The following RBFOX1 variants were observed in gnomAD, a reference collection of about 807,000 sequenced individuals.
The protein encoded by RBFOX1 is RNA binding protein fox-1 homolog 1.
A neutral mutation model predicts 57.7 loss-of-function variants in RBFOX1; 8 were observed. That is an observed-to-expected ratio of 0.14 (90% CI 0.08 to 0.25). RBFOX1 has a LOEUF of 0.25. RBFOX1 is among the 10% of genes least tolerant of loss of function. The pLI, the probability that RBFOX1 is intolerant of heterozygous loss-of-function variation, is 1.00. For missense variants in RBFOX1, 611 were observed against 548.5 expected, an observed-to-expected ratio of 1.11 and a Z score of -1.14; for synonymous variants, 326 against 222.4, an observed-to-expected ratio of 1.47 and a Z score of -4.15.
chr16:7,125,929 A>G (rs2068410205), intron 4 of RBFOX1, among the ~76,000 whole-genome samples: 1 of 152,120 alleles, frequency 6.6e-6, no homozygotes, highest in Non-Finnish European at 1.5e-5. Context: ...CTAAAAATAC[A>G]AAAATTACCT....
At chr16:6,061,017 C>A (rs1461471389) in intron 1 of RBFOX1, among the ~76,000 whole-genome samples, 2 of 152,178 alleles carry the variant, frequency 1.3e-5, no homozygotes, top group East Asian at 3.9e-4. Context: ...AGGACAGAAC[C>A]TGGTTGGTCC....
chr16:5,608,597 C>T (rs1055483788), intron 3 of RBFOX1, among the ~76,000 whole-genome samples: 1 of 152,160 alleles, frequency 6.6e-6, no homozygotes, highest in Non-Finnish European at 1.5e-5. Context: ...ATAGGTAAAG[C>T]CTTAGGAGAG....
chr16:7,404,022 C>CATTTCCTTTT, intron 4 of RBFOX1, among the ~76,000 whole-genome samples: 1 of 67,658 alleles, frequency 1.5e-5, no homozygotes, highest in African/African-American at 4.6e-5. Context: ...ATCCTGATTT[C>CATTTCCTTTT]ATTTCCTTTT....
chr16:7,582,779 A>G (rs2152858899), intron 6 of RBFOX1, among the ~76,000 whole-genome samples: 1 of 152,294 alleles, frequency 6.6e-6, no homozygotes, highest in East Asian at 1.9e-4. Context: ...AGTGAGGACA[A>G]TTACAGAGAA....
intron 4 of RBFOX1, among the ~76,000 whole-genome samples, chr16:5,916,660 C>G (rs1324539274): frequency 6.6e-6 from 1 of 152,096 alleles, no homozygotes; most frequent in Non-Finnish European, 1.5e-5. Context: ...ACATAATTCT[C>G]ATTTTTCCTT....
At chr16:5,563,148 C>T (rs1014652268) in intron 2 of RBFOX1, among the ~76,000 whole-genome samples, 5 of 152,160 alleles carry the variant, frequency 3.3e-5, no homozygotes, top group African/African-American at 4.8e-5. Context: ...GGGGTTTCAC[C>T]ATGTTGGTCA....
At chr16:7,449,510 C>T (rs898371144) in intron 4 of RBFOX1, among the ~76,000 whole-genome samples, 1 of 152,122 alleles carries the variant, frequency 6.6e-6, no homozygotes, top group Non-Finnish European at 1.5e-5. Flanking sequence ...AGCTCTGAGT[C>T]ATGATCTATC....
intron 1 of RBFOX1, chr16:6,092,621 C>G (rs575826246): frequency 1.1e-4 from 16 of 152,284 alleles, no homozygotes; most frequent in African/African-American, 3.6e-4. Flanking sequence ...AGTCAGTTAT[C>G]CCAGTACCAT....
chr16:5,309,126 C>T (rs569634724), intron 1 of RBFOX1, among the ~76,000 whole-genome samples: 134 of 152,316 alleles, frequency 8.8e-4, no homozygotes, highest in African/African-American at 3.2e-3. Context: ...CCCTCTCTTT[C>T]TAATAATTCT....
At chr16:7,156,336 T>G (rs557607933) in intron 4 of RBFOX1, among the ~76,000 whole-genome samples, 1 of 152,200 alleles carries the variant, frequency 6.6e-6, no homozygotes, top group Admixed American at 6.5e-5. Flanking sequence ...AGCATATGTA[T>G]ATACATATCT....
intron 1 of RBFOX1, among the ~76,000 whole-genome samples, chr16:5,391,065 T>G (rs1420878259): frequency 1.3e-5 from 2 of 152,190 alleles, no homozygotes; most frequent in Admixed American, 1.3e-4. Context: ...CTCTGAAACT[T>G]CACTCCATCT....
chr16:5,951,356 G>A (rs1164677243), intron 4 of RBFOX1, among the ~76,000 whole-genome samples: 1 of 152,098 alleles, frequency 6.6e-6, no homozygotes, highest in Non-Finnish European at 1.5e-5. Context: ...GCTAAGGCAG[G>A]AGAATTGCTT....
intron 4 of RBFOX1, among the ~76,000 whole-genome samples, chr16:7,364,227 C>T (rs1020910992): frequency 2.6e-5 from 4 of 152,158 alleles, no homozygotes; most frequent in Non-Finnish European, 5.9e-5. Context: ...GCCGGGCTAG[C>T]GGCTTTCCCA....
At position 6,616,381 on chromosome 16, in the gene RBFOX1, G is replaced by GT. The variant is rs34635131; in HGVS notation, c.-63-38209dup. Among the ~76,000 whole-genome samples the GT allele has an allele frequency of 4.1e-3, 582 of 142,416 alleles. 2 individuals are homozygous for GT. Among genetic ancestry groups the GT allele is most frequent in the Middle Eastern group, 7.4e-3 (2 of 272 alleles). 93.4% of individuals were successfully genotyped at this position (142,416 alleles called of 152,430 possible). A position where few individuals can be genotyped will look rare whatever the true frequency, so the allele number is the denominator to read the frequency against. The stretch of plus-strand genomic sequence containing the variant: ...GACTCAAATACAGTAAAAATGTTTG[G>GT]TTTTTTTTTTTTTGGCCAGGCGTGA... On this transcript the variant is annotated intron_variant, in intron 2 of 15. Transcript: ENST00000550418.
chr16:6,348,981 A>G (rs777225984), intron 2 of RBFOX1, among the ~76,000 whole-genome samples: 20 of 152,220 alleles, frequency 1.3e-4, no homozygotes, highest in Non-Finnish European at 2.5e-4. Flanking sequence ...AAGCGCTTCA[A>G]AAGAAATTCT....
intron 14 of RBFOX1, among the ~76,000 whole-genome samples, chr16:7,695,794 G>A (rs1373912119): frequency 3.3e-5 from 5 of 151,926 alleles, no homozygotes; most frequent in Non-Finnish European, 2.9e-5. Context: ...ATCAGAGTTT[G>A]ACAAAAGACA....
chr16:6,766,376 T>TTTCATTGTAAATA, intron 3 of RBFOX1, among the ~76,000 whole-genome samples: 1 of 152,248 alleles, frequency 6.6e-6, no homozygotes, highest in Non-Finnish European at 1.5e-5. Context: ...TTGTCTGTTT[T>TTTCATTGTAAATA]TTCATTGTAA....
chr16:5,383,518 G>A (rs1012053103), intron 1 of RBFOX1, among the ~76,000 whole-genome samples: 7 of 152,190 alleles, frequency 4.6e-5, no homozygotes, highest in African/African-American at 1.4e-4. Flanking sequence ...TCATATCAAA[G>A]ACATAGAATA....
chr16:7,535,053 A>G (rs1477307607), intron 5 of RBFOX1, among the ~76,000 whole-genome samples: 1 of 152,176 alleles, frequency 6.6e-6, no homozygotes. Flanking sequence ...GTATAATAGG[A>G]GCATAACTAA....
Sources: allele counts gnomAD v4.1 joint callset (sites outside exome capture counted in the v4.1 genomes callset), GRCh38; gene constraint gnomAD v4.1.1; transcripts MANE v1.5; gene names NCBI Gene and HGNC (gene_info 2026-07-23, HGNC 2026-07-21).